The following DGKG variants were observed in gnomAD, a reference collection of about 807,000 sequenced individuals.
DGKG encodes the protein diacylglycerol kinase gamma.
In DGKG, 78 loss-of-function variants were observed where a neutral mutation model predicts 105.3. That is an observed-to-expected ratio of 0.74 (90% CI 0.62 to 0.89). The LOEUF is 0.89. DGKG is among the 40% of genes least tolerant of loss of function. DGKG has a pLI of 0.00. For missense variants in DGKG, 958 were observed against 1,020.1 expected (o/e 0.94, Z 0.83); for synonymous variants, 346 against 367.1 (o/e 0.94, Z 0.66).
At chr3:186,211,338 G>GA (rs1293695994) in intron 21 of DGKG, among the ~76,000 whole-genome samples, 3 of 152,178 alleles carry the variant, frequency 2.0e-5, no homozygotes, top group African/African-American at 7.2e-5. Flanking sequence ...AAGCAGATGT[G>GA]AAAATCAAGG....
At position 186,322,688 on chromosome 3, in the gene DGKG, G is replaced by A. The variant is rs528176352; in HGVS notation, c.-248-1981C>T. Among the ~76,000 whole-genome samples the A allele has an allele frequency of 7.9e-5, 12 of 152,098 alleles. No homozygotes were observed. In the South Asian group the frequency reaches 8.3e-4, roughly 11 times the overall value. ...CCACCTCCAAGCTTTAATGACCCCC[G>A]GCATGCTGCGGCAGCCCTGAGCTCT... On this transcript the variant is annotated intron_variant, in intron 1 of 24. Coordinates refer to ENST00000265022, the MANE Select transcript of DGKG (RefSeq NM_001346.3).
At chr3:186,340,177 G>C (rs181059136) in intron 1 of DGKG, among the ~76,000 whole-genome samples, 7 of 152,170 alleles carry the variant, frequency 4.6e-5, no homozygotes, top group African/African-American at 7.2e-5. Flanking sequence ...GAAGAGGATG[G>C]GAGGGAAAGA....
At chr3:186,340,093 T>C (rs1157341161) in intron 1 of DGKG, among the ~76,000 whole-genome samples, 1 of 152,156 alleles carries the variant, frequency 6.6e-6, no homozygotes, top group East Asian at 1.9e-4. Context: ...CCTGACCCCT[T>C]GAGTGTCCTC....
chr3:186,213,204 C>T (rs1719118457), intron 20 of DGKG, among the ~76,000 whole-genome samples: 1 of 152,164 alleles, frequency 6.6e-6, no homozygotes, highest in South Asian at 2.1e-4. Flanking sequence ...GGAATTATGC[C>T]TCATGAACAA....
At chr3:186,330,219 A>G (rs78963288) in intron 1 of DGKG, among the ~76,000 whole-genome samples, 5,552 of 152,292 alleles carry the variant, frequency 0.036, 143 homozygotes, top group Non-Finnish European at 0.052. Context: ...TAAAATAATG[A>G]CCTACACAAG....
At chr3:186,152,631 G>A (rs1298084844) in intron 24 of DGKG, among the ~76,000 whole-genome samples, 1 of 152,076 alleles carries the variant, frequency 6.6e-6, no homozygotes, top group Non-Finnish European at 1.5e-5. Context: ...ATGGTAGCTG[G>A]TGCCTACATT....
intron 17 of DGKG, among the ~76,000 whole-genome samples, chr3:186,255,482 A>C (rs1721423326): frequency 6.6e-6 from 1 of 152,208 alleles, no homozygotes; most frequent in African/African-American, 2.4e-5. Flanking sequence ...TCTGGAGTGG[A>C]AGCTGACTGA....
chr3:186,148,959 T>TTATATATA lies in DGKG; in HGVS notation c.*1123_*1130dup, dbSNP rs34230259. 4.8e-6 allele frequency: 3 copies of TTATATATA among 625,550 alleles called. No homozygotes were observed. The highest frequency in any genetic ancestry group is 4.0e-5 in the African/African-American group (2 of 50,342). The allele number at this position is 625,550 out of a possible 1,614,324, so 38.7% of individuals were successfully genotyped here. On this transcript the variant is annotated 3_prime_UTR_variant, in exon 25 of 25. Transcript: ENST00000265022. ...GAAAAGTCCATCAGTAAATAAATATTTATATATATATATATATAAATATAT... is the reference window on the plus strand; with the variant it reads ...GAAAAGTCCATCAGTAAATAAATATTTATATATATATATATATATATATATAAATATAT...
At chr3:186,333,765 C>T (rs1368793713) in intron 1 of DGKG, among the ~76,000 whole-genome samples, 4 of 152,148 alleles carry the variant, frequency 2.6e-5, no homozygotes, top group African/African-American at 2.4e-5. Flanking sequence ...CATTGCAGAG[C>T]CCTGGGCATG....
chr3:186,279,795 G>T, intron 9 of DGKG, 56 bp downstream of exon 9: 1 of 1,592,568 alleles, frequency 6.3e-7, no homozygotes, highest in South Asian at 1.1e-5. Flanking sequence ...ATATTAACAT[G>T]AAGCCCAATG....
At position 186,260,487 on chromosome 3, in the gene DGKG, A is replaced by G. The variant is rs377408565; in HGVS notation, c.1376T>C (p.Leu459Pro). 1.2e-6 allele frequency: 2 copies of G among 1,613,404 alleles called. No individual in the cohort carries two copies. Among genetic ancestry groups the G allele is most frequent in the Non-Finnish European group, 1.7e-6 (2 of 1,179,370 alleles). ...ERILRKFHYL[L>P]NPKQVFNLDN... is the part of the protein sequence containing the mutation. The stretch of plus-strand genomic sequence containing the variant: ...CAGGTTGAAAACTTGTTTGGGGTTG[A>G]GCAGATAGTGGAATTTCCGAAGAAT... Residue 459 changes from leucine to proline, a missense_variant, in exon 16 of 25, where the codon CTC (leucine) becomes CCC (proline). By Grantham distance (98) the Leu-to-Pro change is moderately conservative (BLOSUM62 -3). This residue lies in a region of DGKG where 643 missense variants were observed against 619.5 expected (regional missense o/e 1.04). Coordinates refer to ENST00000265022, the MANE Select transcript of DGKG (RefSeq NM_001346.3).
chr3:186,360,082 A>G (rs755309360), intron 1 of DGKG, among the ~76,000 whole-genome samples: 5 of 152,024 alleles, frequency 3.3e-5, no homozygotes, highest in East Asian at 1.9e-4. Flanking sequence ...AGAGGCTCAC[A>G]CATGCACAGC....
chr3:186,160,923 T>C (rs1188795710), intron 24 of DGKG: 1 of 985,366 alleles, frequency 1.0e-6, no homozygotes, highest in Non-Finnish European at 1.2e-6. Flanking sequence ...CTATTTTTGT[T>C]AGTTCATTTG....
Position 186,279,877 on chromosome 3 carries a change from G to C in DGKG, c.766C>G (p.Leu256Val). Residue 256 changes from leucine (L) to valine (V), a missense_variant, in exon 9 of 25, where the codon CTG (leucine) becomes GTG (valine). Around this residue, in one of 2 missense-constraint regions of DGKG, gnomAD observed 643 missense variants for 619.5 expected, o/e 1.04. Transcript: ENST00000265022. ...VHGGMTTIPL[L>V]VLLGMDDSGS... Reference sequence around the variant, plus strand: ...GAGTCATCCATCCCCAGGAGGACCAGCAATGGGATGGTGGTCATCCCTCCA... The same window carrying C: ...GAGTCATCCATCCCCAGGAGGACCACCAATGGGATGGTGGTCATCCCTCCA... 1 of 1,613,846 alleles carries C rather than the reference G, an allele frequency of 6.2e-7. No individual in the cohort carries two copies. Among genetic ancestry groups the C allele is most frequent in the South Asian group, 1.1e-5 (1 of 91,036 alleles).
chr3:186,194,438 C>A (rs1457735631), intron 21 of DGKG, among the ~76,000 whole-genome samples: 1 of 152,180 alleles, frequency 6.6e-6, no homozygotes, highest in Non-Finnish European at 1.5e-5. Flanking sequence ...GGGCGGCGGG[C>A]GGGGGCCCCT....
At chr3:186,280,068 G>A in intron 8 of DGKG, 95 bp from the exon 9 acceptor site, 2 of 1,517,274 alleles carry the variant, frequency 1.3e-6, no homozygotes, top group South Asian at 1.2e-5. Context: ...GCATTATCTG[G>A]TTTGTGTTTT....
intron 3 of DGKG, chr3:186,306,672 G>T: frequency 2.1e-6 from 1 of 477,192 alleles, no homozygotes; most frequent in South Asian, 3.3e-5. Context: ...GGAGGGGTGA[G>T]AGATGAGCAG....
rs79764443 is a variant in DGKG, at chr3:186,312,348, A to G, written c.68-5371T>C. 3.4e-3 allele frequency among the ~76,000 whole-genome samples: 523 copies of G among 152,196 alleles called. 4 individuals carry two copies. Among genetic ancestry groups the G allele is most frequent in the African/African-American group, 0.012 (492 of 41,528 alleles). On this transcript the variant is annotated intron_variant, in intron 2 of 24. Coordinates refer to ENST00000265022, the MANE Select transcript of DGKG (RefSeq NM_001346.3). ...TAATGTGCGTATGAGTCACATTGGG[A>G]TCTGGTAAAAATGCAGATTCTGTAG...
chr3:186,222,132 G>A (rs892805262), intron 20 of DGKG, among the ~76,000 whole-genome samples: 3 of 152,194 alleles, frequency 2.0e-5, no homozygotes, highest in African/African-American at 7.2e-5. Context: ...GGGGATGCAG[G>A]CTGGCTGATC....
Sources: gnomAD v4.1 joint callset for allele counts (sites outside exome capture counted in the v4.1 genomes callset) on GRCh38, gnomAD v4.1.1 for gene constraint, gnomAD v4.1.1 regional missense constraint, MANE v1.5 for transcripts, NCBI Gene and HGNC (gene_info 2026-07-23, HGNC 2026-07-21) for gene names.